ST18: variants seen among roughly 807,000 people sequenced by gnomAD.
The protein encoded by ST18 is ST18 C2H2C-type zinc finger transcription factor.
Under a neutral mutation model 110.0 loss-of-function variants are expected in ST18, and 50 were observed. The ratio of observed to expected loss-of-function variants is 0.45; its 90% CI spans 0.36 to 0.58. ST18 has a LOEUF of 0.58. ST18 is among the 20% of genes least tolerant of loss of function. ST18 has a pLI of 0.00. For missense variants in ST18, 1,306 were observed against 1,280.1 expected, an observed-to-expected ratio of 1.02 and a Z score of -0.31; for synonymous variants, 461 against 452.4, an observed-to-expected ratio of 1.02 and a Z score of -0.24.
At chr8:52,384,098 CAAGTCTCTA>C (rs1835618081) in intron 2 of ST18, among the ~76,000 whole-genome samples, 1 of 152,178 alleles carries the variant, frequency 6.6e-6, no homozygotes, top group South Asian at 2.1e-4. Flanking sequence ...TGGCATACAG[CAAGTCTCTA>C]AATTAGAGTT....
chr8:52,406,393 C>T (rs888101763), intron 2 of ST18: 3 of 152,440 alleles, frequency 2.0e-5, no homozygotes, highest in Admixed American at 6.5e-5. Context: ...CACAGGTCAG[C>T]GTGTGTGTGA....
intron 6 of ST18, among the ~76,000 whole-genome samples, chr8:52,217,431 A>G (rs2084765799): frequency 6.6e-6 from 1 of 152,116 alleles, no homozygotes; most frequent in Non-Finnish European, 1.5e-5. Flanking sequence ...TATGTATAAT[A>G]TTTATATAAA....
chr8:52,379,033 G>A (rs938316591), intron 2 of ST18, among the ~76,000 whole-genome samples: 2 of 150,818 alleles, frequency 1.3e-5, no homozygotes, highest in African/African-American at 4.9e-5. Flanking sequence ...TACTACAGAT[G>A]AAATGTTGCC....
intron 2 of ST18, among the ~76,000 whole-genome samples, chr8:52,315,970 T>A (rs185413773): frequency 6.6e-6 from 1 of 152,336 alleles, no homozygotes; most frequent in Admixed American, 6.5e-5. Flanking sequence ...AAGTCTAATG[T>A]GCAGTCCTCT....
intron 2 of ST18, among the ~76,000 whole-genome samples, chr8:52,364,852 G>A (rs955779420): frequency 6.6e-6 from 1 of 152,108 alleles, no homozygotes; most frequent in Non-Finnish European, 1.5e-5. Flanking sequence ...GCTCACACCT[G>A]TAATCCCAGC....
intron 2 of ST18, among the ~76,000 whole-genome samples, chr8:52,234,728 G>GGTGTGTGTGTGTGTGTGT (rs3054614): frequency 2.1e-5 from 3 of 145,612 alleles, no homozygotes; most frequent in African/African-American, 7.6e-5. Context: ...AAGAAACTAT[G>GGTGTGTGTGTGTGTGTGT]GTGTGTGTGT....
intron 23 of ST18, among the ~76,000 whole-genome samples, chr8:52,120,545 A>T (rs1367766965): frequency 1.3e-5 from 2 of 152,178 alleles, no homozygotes; most frequent in East Asian, 3.9e-4. Context: ...GCAGCTGAGC[A>T]TCCAAGAGGA....
At chr8:52,211,160 G>A (rs2082021855) in intron 8 of ST18, among the ~76,000 whole-genome samples, 2 of 152,032 alleles carry the variant, frequency 1.3e-5, no homozygotes. Flanking sequence ...TTTAAAAAAT[G>A]TACTTTCTTT....
At chr8:52,136,444 C>T (rs1287647432) in intron 19 of ST18, 146 bp downstream of exon 19, 28 of 712,108 alleles carry the variant, frequency 3.9e-5, no homozygotes, top group South Asian at 3.0e-4. Flanking sequence ...GTCATCCCAG[C>T]GCTTTAGTCA....
chr8:52,359,818 C>A (rs1158446254), intron 2 of ST18, among the ~76,000 whole-genome samples: 1 of 152,106 alleles, frequency 6.6e-6, no homozygotes, highest in Non-Finnish European at 1.5e-5. Flanking sequence ...TACTGACATA[C>A]ATTTTGATTG....
intron 2 of ST18, among the ~76,000 whole-genome samples, chr8:52,313,857 A>G (rs2095971402): frequency 6.6e-6 from 1 of 152,162 alleles, no homozygotes; most frequent in African/African-American, 2.4e-5. Context: ...ACTTCTGCCC[A>G]GAGAGAGAGG....
intron 2 of ST18, among the ~76,000 whole-genome samples, chr8:52,398,318 T>C (rs1157792791): frequency 6.6e-6 from 1 of 152,192 alleles, no homozygotes; most frequent in Non-Finnish European, 1.5e-5. Flanking sequence ...AGAGTTTCTG[T>C]GGAATCTACG....
At chr8:52,321,986 C>T (rs1365145350) in intron 2 of ST18, among the ~76,000 whole-genome samples, 14 of 152,172 alleles carry the variant, frequency 9.2e-5, no homozygotes, top group African/African-American at 2.7e-4. Flanking sequence ...TAGACCATTG[C>T]TTTTGTTCCC....
At chr8:52,252,009 C>T (rs937294852) in intron 2 of ST18, among the ~76,000 whole-genome samples, 9 of 152,116 alleles carry the variant, frequency 5.9e-5, no homozygotes, top group African/African-American at 2.2e-4. Context: ...AATAAAGTCA[C>T]GCAAGTTATA....
intron 23 of ST18, among the ~76,000 whole-genome samples, chr8:52,125,349 G>A (rs1015852106): frequency 6.6e-6 from 1 of 151,908 alleles, no homozygotes; most frequent in African/African-American, 2.4e-5. Flanking sequence ...ACTGCTTCCT[G>A]AAATTTTATA....
chr8:52,299,301 T>C (rs1296067039), intron 2 of ST18, among the ~76,000 whole-genome samples: 2 of 152,222 alleles, frequency 1.3e-5, no homozygotes, highest in Admixed American at 1.3e-4. Flanking sequence ...GTTTTTAGTC[T>C]ACCTTCCATT....
intron 8 of ST18, among the ~76,000 whole-genome samples, chr8:52,207,128 C>T (rs1346874456): frequency 6.6e-6 from 1 of 151,974 alleles, no homozygotes; most frequent in Non-Finnish European, 1.5e-5. Flanking sequence ...AAAAGAAAAA[C>T]AAGAAAGCCA....
At chr8:52,127,958 T>TTATGACA (rs1180600659) in intron 22 of ST18, among the ~76,000 whole-genome samples, 1 of 149,828 alleles carries the variant, frequency 6.7e-6, no homozygotes, top group Non-Finnish European at 1.5e-5. Context: ...TACCATTCTA[T>TTATGACA]TATGACATAT....
intron 16 of ST18, 73 bp downstream of exon 16, chr8:52,149,646 GTGAAATATAATTT>G: frequency 6.7e-7 from 1 of 1,496,180 alleles, no homozygotes; most frequent in Admixed American, 2.2e-5. Context: ...AAACAGGAAT[GTGAAATATAATTT>G]AGGAGGGAAA....
Sources: gnomAD v4.1 joint callset for allele counts (sites outside exome capture counted in the v4.1 genomes callset) on GRCh38, gnomAD v4.1.1 for gene constraint, MANE v1.5 for transcripts, NCBI Gene and HGNC (gene_info 2026-07-23, HGNC 2026-07-21) for gene names.